CD86: variants seen among roughly 807,000 people sequenced by gnomAD.
CD86 encodes CD86 molecule, also known as T-lymphocyte activation antigen CD86.
CD86 carries 11 observed loss-of-function variants against 32.1 expected under a neutral mutation model. That is an observed-to-expected ratio of 0.34 (90% CI 0.22 to 0.57). The LOEUF is 0.57. Ranked by LOEUF, CD86 falls within the 20% of genes least tolerant of loss-of-function variation. The pLI is 0.86. For missense variants in CD86, 359 were observed against 398.4 expected, an observed-to-expected ratio of 0.90 and a Z score of 0.84; for synonymous variants, 137 against 135.3, an observed-to-expected ratio of 1.01 and a Z score of -0.09.
intron 5 of CD86, among the ~76,000 whole-genome samples, chr3:122,116,920 T>C (rs1425247201): frequency 6.6e-6 from 1 of 152,222 alleles, no homozygotes; most frequent in Admixed American, 6.5e-5. Context: ...TTTTGGCTTA[T>C]AAAAATGTTC....
intron 2 of CD86, among the ~76,000 whole-genome samples, chr3:122,092,534 C>T (rs551167417): frequency 6.6e-6 from 1 of 152,314 alleles, no homozygotes; most frequent in Non-Finnish European, 1.5e-5. Flanking sequence ...CATCCAGCCT[C>T]ACAAAACTCA....
chr3:122,086,493 A>C, intron 1 of CD86: 1 of 437,310 alleles, frequency 2.3e-6, no homozygotes. Flanking sequence ...ACCCCTTCTT[A>C]GTTCCTTCCT....
intron 2 of CD86, among the ~76,000 whole-genome samples, chr3:122,099,681 C>T (rs1174089510): frequency 1.3e-5 from 2 of 152,144 alleles, no homozygotes; most frequent in African/African-American, 2.4e-5. Flanking sequence ...CAAAGACATA[C>T]TATTGTTGCA....
intron 1 of CD86, among the ~76,000 whole-genome samples, chr3:122,083,203 A>T (rs2072658194): frequency 6.6e-6 from 1 of 152,164 alleles, no homozygotes. Context: ...CTACACAGAA[A>T]CCATGGTCAT....
At chr3:122,115,740 C>CAAAAAAA (rs769868417) in intron 5 of CD86, among the ~76,000 whole-genome samples, 47 of 27,524 alleles carry the variant, frequency 1.7e-3, no homozygotes, top group South Asian at 3.7e-3. Flanking sequence ...AACTCCCTCT[C>CAAAAAAA]AAAAAAAAAA....
At chr3:122,061,530 A>T (rs1438595198) in intron 1 of CD86, among the ~76,000 whole-genome samples, 1 of 152,224 alleles carries the variant, frequency 6.6e-6, no homozygotes, top group Non-Finnish European at 1.5e-5. Flanking sequence ...AAACAATCCA[A>T]TCAGAAAAAT....
At chr3:122,118,875 C>T (rs1269347861) in intron 6 of CD86, among the ~76,000 whole-genome samples, 1 of 152,132 alleles carries the variant, frequency 6.6e-6, no homozygotes, top group South Asian at 2.1e-4. Flanking sequence ...CCTTTCACAA[C>T]GTGAAGCTAT....
At chr3:122,097,572 G>A (rs187298144) in intron 2 of CD86, among the ~76,000 whole-genome samples, 6 of 152,242 alleles carry the variant, frequency 3.9e-5, no homozygotes, top group East Asian at 3.9e-4. Context: ...TTAGGGGGTC[G>A]CCTTACCATT....
At chr3:122,105,367 A>G (rs940111737) in intron 3 of CD86, among the ~76,000 whole-genome samples, 2 of 152,220 alleles carry the variant, frequency 1.3e-5, no homozygotes, top group South Asian at 2.1e-4. Context: ...CAAAACTTAT[A>G]AAGATGACAT....
Position 122,118,051 on chromosome 3 carries a change from C to T in CD86, c.851C>T (p.Thr284Ile). Residue 284 changes from threonine to isoleucine, a missense_variant, in exon 6 of 7, where the codon ACC (threonine) becomes ATC (isoleucine). Physicochemically the swap from Thr to Ile is moderately conservative, Grantham distance 89. Transcript: ENST00000330540. Reference protein sequence around the residue: ...KRPRNSYKCGTNTMEREESEQ... With the variant: ...KRPRNSYKCGINTMEREESEQ... ...GATTGTTCTTGGTGTCTTTCAGGAA[C>T]CAACACAATGGAGAGGGAAGAGAGT... The T allele has an allele frequency of 6.2e-7, 1 of 1,613,112 alleles. No homozygotes were observed. The highest frequency in any genetic ancestry group is 8.5e-7 in the Non-Finnish European group (1 of 1,179,306).
intron 5 of CD86, among the ~76,000 whole-genome samples, chr3:122,110,789 T>C (rs759578293): frequency 6.6e-6 from 1 of 152,236 alleles, no homozygotes; most frequent in Non-Finnish European, 1.5e-5. Context: ...GTGAGAGTTT[T>C]GAGCTTCACT....
intron 1 of CD86, among the ~76,000 whole-genome samples, chr3:122,068,057 T>C (rs1482728226): frequency 6.6e-6 from 1 of 152,166 alleles, no homozygotes; most frequent in African/African-American, 2.4e-5. Context: ...AGTTTTTGAA[T>C]GTGCAGTGCC....
At chr3:122,068,936 C>T (rs757940553) in intron 1 of CD86, among the ~76,000 whole-genome samples, 3 of 152,086 alleles carry the variant, frequency 2.0e-5, no homozygotes, top group Admixed American at 6.5e-5. Context: ...ATTTAAAATA[C>T]GAAGAGAAGG....
intron 1 of CD86, among the ~76,000 whole-genome samples, chr3:122,061,102 T>TA (rs1297722995): frequency 3.3e-5 from 5 of 152,118 alleles, no homozygotes; most frequent in African/African-American, 1.2e-4. Flanking sequence ...AAACATCAAG[T>TA]AAAAATAAAA....
At position 122,108,978 on chromosome 3, in the gene CD86, G is replaced by A. The variant is rs144023495; in HGVS notation, c.704-287G>A. 4.7e-3 allele frequency among the ~76,000 whole-genome samples: 720 copies of A among 152,220 alleles called. 2 individuals carry two copies. The highest frequency in any genetic ancestry group is 0.016 in the African/African-American group (679 of 41,516). On this transcript the variant is annotated intron_variant, in intron 4 of 6. Transcript: ENST00000330540. Reference sequence around the variant, plus strand: ...CACCTCACCCAGATTCCAGAATCACGGGCCAGGCTGACCCTCTTCTTCCTG... The same window carrying A: ...CACCTCACCCAGATTCCAGAATCACAGGCCAGGCTGACCCTCTTCTTCCTG...
chr3:122,097,425 A>G (rs182199398), intron 2 of CD86, among the ~76,000 whole-genome samples: 6 of 152,336 alleles, frequency 3.9e-5, no homozygotes. Context: ...AAACAAAAAT[A>G]AAATAGTTCA....
intron 1 of CD86, among the ~76,000 whole-genome samples, chr3:122,057,981 A>T (rs2072264720): frequency 6.6e-6 from 1 of 152,210 alleles, no homozygotes; most frequent in African/African-American, 2.4e-5. Flanking sequence ...TAGCTATGTG[A>T]TTTTGGACAA....
chr3:122,065,732 A>T (rs1476299494), intron 1 of CD86, among the ~76,000 whole-genome samples: 15 of 152,200 alleles, frequency 9.9e-5, no homozygotes, highest in Non-Finnish European at 4.4e-5. Flanking sequence ...GAGTCCAGAA[A>T]TGAAGGTTAT....
intron 5 of CD86, among the ~76,000 whole-genome samples, chr3:122,113,705 A>G (rs2073208623): frequency 6.6e-6 from 1 of 152,162 alleles, no homozygotes. Context: ...TTAAGAAGAA[A>G]CTTTACAAAA....
Sources: allele counts gnomAD v4.1 joint callset (sites outside exome capture counted in the v4.1 genomes callset), GRCh38; gene constraint gnomAD v4.1.1; transcripts MANE v1.5; gene names NCBI Gene and HGNC (gene_info 2026-07-23, HGNC 2026-07-21).